KIAA1671: variants seen among roughly 807,000 people sequenced by gnomAD.
KIAA1671 encodes uncharacterized protein KIAA1671.
KIAA1671 carries 52 observed loss-of-function variants against 131.2 expected under a neutral mutation model. The observed-to-expected ratio is 0.40, with a 90% CI of 0.32 to 0.50. KIAA1671 has a LOEUF of 0.50. Among genes scored for constraint, KIAA1671 ranks in the 20% least tolerant of loss-of-function variants. The pLI is 0.73. For synonymous variants in KIAA1671, 1,003 were observed against 961.6 expected (o/e 1.04, Z -0.80); for missense variants, 2,360 against 2,364.2 (o/e 1.00, Z 0.04).
intron 6 of KIAA1671, among the ~76,000 whole-genome samples, chr22:25,160,256 G>A (rs889766661): frequency 7.2e-5 from 11 of 152,244 alleles, no homozygotes; most frequent in Admixed American, 6.5e-4. Context: ...CATGACAACG[G>A]GTCAGGAGGT....
chr22:25,012,192 A>C (rs1925075234), intron 1 of KIAA1671: 1 of 152,104 alleles, frequency 6.6e-6, no homozygotes. Context: ...GATTAAACAC[A>C]TAAAAACCCC....
At chr22:24,969,909 T>C (rs371145679) in intron 1 of KIAA1671, among the ~76,000 whole-genome samples, 2 of 152,130 alleles carry the variant, frequency 1.3e-5, no homozygotes, top group African/African-American at 4.8e-5. Flanking sequence ...CTTCTATGGA[T>C]GCTGTAATTG....
chr22:24,989,738 C>T (rs1044392604), intron 1 of KIAA1671, among the ~76,000 whole-genome samples: 4 of 152,198 alleles, frequency 2.6e-5, no homozygotes, highest in Admixed American at 6.5e-5. Context: ...GAGCCCCTTT[C>T]CCCACCACTC....
chr22:25,032,461 C>CT (rs1926346455), intron 3 of KIAA1671, 148 bp from the exon 4 acceptor site: 1 of 500,764 alleles, frequency 2.0e-6, no homozygotes, highest in African/African-American at 1.9e-5. Flanking sequence ...TTGAGGTAGG[C>CT]TCTCCCCACT....
Position 25,028,793 on chromosome 22 carries a change from G to T in KIAA1671, c.794G>T (p.Gly265Val), listed in dbSNP as rs1323414743. The T allele has an allele frequency of 4.5e-6, 7 of 1,551,096 alleles. No homozygotes were observed. The highest frequency in any genetic ancestry group is 6.1e-6 in the Non-Finnish European group (7 of 1,147,016). Residue 265 changes from glycine (G) to valine (V), a missense_variant, in exon 3 of 13, where the codon GGC becomes GTC. By Grantham distance (109) the Gly-to-Val change is moderately radical (BLOSUM62 -3). This residue lies in a region of KIAA1671 where 1,185 missense variants were observed against 1,126.2 expected (regional missense o/e 1.05). Transcript: ENST00000358431. ...GGCCCCGGCGCAGCGGCCACAGTGGGCAAAGTGCCACCCACCCCTCCCGAG... is the reference window on the plus strand; with the variant it reads ...GGCCCCGGCGCAGCGGCCACAGTGGTCAAAGTGCCACCCACCCCTCCCGAG... The part of the protein sequence containing the change: ...KPGPGAAATV[G>V]KVPPTPPEKT...
At chr22:25,124,841 C>T (rs766069396) in intron 6 of KIAA1671, among the ~76,000 whole-genome samples, 3 of 152,118 alleles carry the variant, frequency 2.0e-5, no homozygotes, top group Non-Finnish European at 4.4e-5. Context: ...ACTGCAGCCT[C>T]GACCTCCCAG....
At chr22:25,151,358 T>A (rs144828972) in intron 6 of KIAA1671, among the ~76,000 whole-genome samples, 276 of 148,968 alleles carry the variant, frequency 1.9e-3, no homozygotes, top group African/African-American at 5.4e-3. Context: ...ATACATATAT[T>A]TTTGTTTATA....
At chr22:25,049,398 C>T (rs1602098269) in intron 6 of KIAA1671, 34 bp downstream of exon 6, 6 of 1,537,504 alleles carry the variant, frequency 3.9e-6, no homozygotes, top group African/African-American at 2.7e-5. Context: ...GAGGATTGCA[C>T]AGGGGTGCTG....
chr22:24,964,099 C>T (rs1922164684), intron 1 of KIAA1671, among the ~76,000 whole-genome samples: 1 of 152,168 alleles, frequency 6.6e-6, no homozygotes, highest in Admixed American at 6.5e-5. Flanking sequence ...GAGGCCAAGG[C>T]AGGCGGATCA....
At chr22:25,137,845 G>A (rs1162317944) in intron 6 of KIAA1671, among the ~76,000 whole-genome samples, 2 of 152,214 alleles carry the variant, frequency 1.3e-5, no homozygotes, top group South Asian at 2.1e-4. Flanking sequence ...AGTTTACAGT[G>A]GAGGAGATTG....
chr22:24,958,950 C>T (rs1017507289), intron 1 of KIAA1671, among the ~76,000 whole-genome samples: 3 of 142,772 alleles, frequency 2.1e-5, no homozygotes, highest in Non-Finnish European at 3.0e-5. Context: ...CACTGCACTC[C>T]AGCCTGAACG....
chr22:25,049,158 T>A (rs1927398219), intron 5 of KIAA1671, 72 bp from the exon 6 acceptor site: 4 of 1,507,586 alleles, frequency 2.7e-6, no homozygotes, highest in Admixed American at 2.1e-5. Context: ...AATGGACTCT[T>A]GGCATAATAT....
chr22:25,002,425 A>G (rs943874564), intron 1 of KIAA1671, among the ~76,000 whole-genome samples: 1 of 152,176 alleles, frequency 6.6e-6, no homozygotes, highest in Non-Finnish European at 1.5e-5. Flanking sequence ...CACACACCTC[A>G]GGCTTCCTCC....
At chr22:25,090,802 G>T (rs756674552) in intron 6 of KIAA1671, among the ~76,000 whole-genome samples, 3 of 152,220 alleles carry the variant, frequency 2.0e-5, no homozygotes, top group Admixed American at 1.3e-4. Context: ...ATGGATGGTG[G>T]CTCTGTTATC....
intron 1 of KIAA1671, among the ~76,000 whole-genome samples, chr22:25,000,034 G>A (rs1438113568): frequency 1.3e-5 from 2 of 151,830 alleles, no homozygotes; most frequent in African/African-American, 4.8e-5. Context: ...ATAGGTGCCT[G>A]CCACCACGCC....
At chr22:25,101,969 G>T (rs188006934) in intron 6 of KIAA1671, among the ~76,000 whole-genome samples, 11 of 152,318 alleles carry the variant, frequency 7.2e-5, no homozygotes, top group Non-Finnish European at 2.9e-5. Context: ...ATGGATATAA[G>T]GAAACGGGAG....
intron 6 of KIAA1671, among the ~76,000 whole-genome samples, chr22:25,150,314 G>A (rs1932991130): frequency 6.6e-6 from 1 of 152,202 alleles, no homozygotes; most frequent in Admixed American, 6.5e-5. Flanking sequence ...TTTCTGCCTG[G>A]CAGCAGAACC....
At chr22:25,148,904 TC>T (rs1228635627) in intron 6 of KIAA1671, among the ~76,000 whole-genome samples, 1 of 152,134 alleles carries the variant, frequency 6.6e-6, no homozygotes, top group African/African-American at 2.4e-5. Context: ...TTCTTACAGT[TC>T]CTATAAATTT....
At chr22:24,985,400 T>C (rs1602045005) in intron 1 of KIAA1671, among the ~76,000 whole-genome samples, 2 of 150,954 alleles carry the variant, frequency 1.3e-5, no homozygotes, top group Non-Finnish European at 2.9e-5. Context: ...AGTGCAGTGG[T>C]GCGATCTCGG....
Sources: allele counts gnomAD v4.1 joint callset (sites outside exome capture counted in the v4.1 genomes callset), GRCh38; gene constraint gnomAD v4.1.1; regional missense constraint gnomAD v4.1.1; transcripts MANE v1.5; gene names NCBI Gene and HGNC (gene_info 2026-07-23, HGNC 2026-07-21).